The following DLG2 variants were observed in gnomAD, a reference collection of about 807,000 sequenced individuals.
DLG2 encodes discs large MAGUK scaffold protein 2.
DLG2 carries 45 observed loss-of-function variants against 132.5 expected under a neutral mutation model. The observed-to-expected ratio is 0.34, with a 90% CI of 0.27 to 0.44. DLG2 has a LOEUF of 0.44. Ranked by LOEUF, DLG2 falls within the 20% of genes least tolerant of loss-of-function variation. DLG2 has a pLI of 1.00. For synonymous variants in DLG2, 424 were observed against 419.6 expected, an observed-to-expected ratio of 1.01 and a Z score of -0.13; for missense variants, 1,045 against 1,196.9, an observed-to-expected ratio of 0.87 and a Z score of 1.87.
At chr11:84,130,998 C>T (rs1030989724) in intron 9 of DLG2, among the ~76,000 whole-genome samples, 2 of 151,938 alleles carry the variant, frequency 1.3e-5, no homozygotes, top group African/African-American at 4.8e-5. Flanking sequence ...GAAAAACCAA[C>T]ACATACATGT....
At chr11:84,439,287 C>A (rs2099010386) in intron 7 of DLG2, among the ~76,000 whole-genome samples, 1 of 152,158 alleles carries the variant, frequency 6.6e-6, no homozygotes, top group Admixed American at 6.5e-5. Context: ...AAGTTCCTTT[C>A]CTGCCCTATG....
At chr11:84,928,982 G>GTGTGTGTGTGTGTA (rs1400906684) in intron 6 of DLG2, among the ~76,000 whole-genome samples, 35 of 49,112 alleles carry the variant, frequency 7.1e-4, no homozygotes, top group Non-Finnish European at 7.5e-4. Context: ...GTGTGTGTGT[G>GTGTGTGTGTGTGTA]TATATATATA....
intron 21 of DLG2, among the ~76,000 whole-genome samples, chr11:83,498,931 T>C (rs925015387): frequency 1.3e-5 from 2 of 152,058 alleles, no homozygotes; most frequent in Non-Finnish European, 2.9e-5. Flanking sequence ...TGAACAATTA[T>C]ATGCCAGTAA....
At chr11:84,890,614 C>G (rs961949792) in intron 6 of DLG2, 2 of 152,130 alleles carry the variant, frequency 1.3e-5, no homozygotes. Flanking sequence ...CCTGTGGAGT[C>G]TAGAGTTCCC....
chr11:84,632,682 C>T lies in DLG2; in HGVS notation c.358-97951G>A, dbSNP rs1047679920. Among the ~76,000 whole-genome samples, 9 of 152,174 alleles carry T rather than the reference C, an allele frequency of 5.9e-5. 1 individual carries two copies. Among genetic ancestry groups the T allele is most frequent in the East Asian group, 1.9e-4 (1 of 5,196 alleles). On this transcript the variant is annotated intron_variant, in intron 6 of 27. Coordinates refer to ENST00000376104, the MANE Select transcript of DLG2 (RefSeq NM_001142699.3). ...CAAATTTCAGACCATTCTTCTAATACGCTTAAGCCATCCCTGAAGGTAAAT... is the reference window on the plus strand; with the variant it reads ...CAAATTTCAGACCATTCTTCTAATATGCTTAAGCCATCCCTGAAGGTAAAT...
chr11:83,587,784 G>C (rs1002934210), intron 19 of DLG2, among the ~76,000 whole-genome samples: 2 of 152,100 alleles, frequency 1.3e-5, no homozygotes, highest in Admixed American at 1.3e-4. Context: ...GTGGGTGCGC[G>C]CACCGTGCGC....
At chr11:84,167,904 G>C (rs964484719) in intron 8 of DLG2, among the ~76,000 whole-genome samples, 1 of 152,172 alleles carries the variant, frequency 6.6e-6, no homozygotes, top group African/African-American at 2.4e-5. Context: ...GACCTCAGGA[G>C]ATCCACCCAC....
chr11:84,889,661 C>A (rs2088983514), intron 6 of DLG2, among the ~76,000 whole-genome samples: 2 of 152,136 alleles, frequency 1.3e-5, no homozygotes, highest in African/African-American at 4.8e-5. Flanking sequence ...ATTAAAACTG[C>A]ATAATTCAGA....
chr11:83,647,009 T>C (rs536489), intron 18 of DLG2: 61,027 of 151,956 alleles, frequency 0.4, 14,649 homozygotes, highest in African/African-American at 0.68. Context: ...TTAAGGATGT[T>C]CTCAGGTGTC....
intron 18 of DLG2, among the ~76,000 whole-genome samples, chr11:83,668,854 T>C (rs1379115499): frequency 8.4e-6 from 1 of 119,554 alleles, no homozygotes; most frequent in Non-Finnish European, 1.7e-5. Flanking sequence ...CACACACATA[T>C]ATATATATAT....
chr11:85,196,299 G>A (rs754636632), intron 4 of DLG2, among the ~76,000 whole-genome samples: 10 of 152,138 alleles, frequency 6.6e-5, no homozygotes, highest in African/African-American at 1.4e-4. Flanking sequence ...GTTTAAGTAC[G>A]TTTACAAAAG....
intron 4 of DLG2, among the ~76,000 whole-genome samples, chr11:85,282,696 T>C (rs1007618745): frequency 6.6e-6 from 1 of 151,994 alleles, no homozygotes; most frequent in African/African-American, 2.4e-5. Flanking sequence ...TTTATGCTTC[T>C]ATGCAATATA....
At chr11:83,517,961 G>A (rs1009094892) in intron 21 of DLG2, among the ~76,000 whole-genome samples, 3 of 152,180 alleles carry the variant, frequency 2.0e-5, no homozygotes, top group South Asian at 2.1e-4. Flanking sequence ...TAGGCTACTC[G>A]GGGGTCAGGG....
chr11:84,197,346 T>C (rs759718291), intron 8 of DLG2, among the ~76,000 whole-genome samples: 14 of 152,144 alleles, frequency 9.2e-5, no homozygotes, highest in Non-Finnish European at 1.6e-4. Flanking sequence ...ATAATCAAAA[T>C]ATAAAACACA....
chr11:83,717,253 A>G (rs1300317962), intron 18 of DLG2, among the ~76,000 whole-genome samples: 2 of 152,232 alleles, frequency 1.3e-5, no homozygotes. Flanking sequence ...TTAAAAAGCA[A>G]CACTCTGCAA....
intron 19 of DLG2, among the ~76,000 whole-genome samples, chr11:83,609,605 G>A (rs959581727): frequency 5.9e-5 from 9 of 152,176 alleles, no homozygotes; most frequent in African/African-American, 2.2e-4. Flanking sequence ...CAACCTAGGA[G>A]TGTATAAGGG....
At chr11:84,432,741 G>A (rs905868150) in intron 7 of DLG2, among the ~76,000 whole-genome samples, 2 of 152,104 alleles carry the variant, frequency 1.3e-5, no homozygotes, top group Non-Finnish European at 2.9e-5. Context: ...AGTTTTCCAA[G>A]GTGGGCCAGG....
At chr11:84,213,213 T>C (rs2096780648) in intron 8 of DLG2, among the ~76,000 whole-genome samples, 1 of 152,188 alleles carries the variant, frequency 6.6e-6, no homozygotes, top group South Asian at 2.1e-4. Context: ...GAAGGATTAA[T>C]CACCCCCATC....
chr11:83,906,931 T>A (rs59538306), intron 15 of DLG2, among the ~76,000 whole-genome samples: 329 of 152,326 alleles, frequency 2.2e-3, no homozygotes, highest in African/African-American at 7.8e-3. Flanking sequence ...AATTACCGTA[T>A]ATACCTAATA....
Sources: gnomAD v4.1 joint callset for allele counts (sites outside exome capture counted in the v4.1 genomes callset) on GRCh38, gnomAD v4.1.1 for gene constraint, MANE v1.5 for transcripts, NCBI Gene and HGNC (gene_info 2026-07-23, HGNC 2026-07-21) for gene names.